The following CCDC167 variants were observed in gnomAD, a reference collection of about 807,000 sequenced individuals.
The protein encoded by CCDC167 is coiled-coil domain containing 167, also known as coiled-coil domain-containing protein 167.
Under a neutral mutation model 12.7 loss-of-function variants are expected in CCDC167, and 15 were observed. That is an observed-to-expected ratio of 1.18 (90% CI 0.79 to 1.81). The LOEUF is 1.81. Among genes scored for constraint, CCDC167 ranks in the 40% most tolerant of loss-of-function variants. The pLI is 0.00. For missense variants in CCDC167, 121 were observed against 120.1 expected, an observed-to-expected ratio of 1.01 and a Z score of -0.03; for synonymous variants, 52 against 49.0, an observed-to-expected ratio of 1.06 and a Z score of -0.26.
chr6:37,493,263 C>G (rs905167683), intron 1 of CCDC167, among the ~76,000 whole-genome samples: 6 of 152,206 alleles, frequency 3.9e-5, no homozygotes, highest in African/African-American at 7.2e-5. Flanking sequence ...AGTCCGCGCC[C>G]GAAGATGCCA....
At chr6:37,497,838 G>A (rs757164765) in intron 1 of CCDC167, among the ~76,000 whole-genome samples, 1 of 152,244 alleles carries the variant, frequency 6.6e-6, no homozygotes, top group East Asian at 1.9e-4. Context: ...GCCTGGGCGA[G>A]AGTGAGATTC....
chr6:37,498,668 T>C (rs1762127601), intron 1 of CCDC167, among the ~76,000 whole-genome samples: 1 of 151,782 alleles, frequency 6.6e-6, no homozygotes, highest in Admixed American at 6.6e-5. Context: ...TCTACAAAAA[T>C]ACAAAAATTA....
intron 1 of CCDC167, among the ~76,000 whole-genome samples, chr6:37,492,543 A>G (rs1028115818): frequency 1.3e-5 from 2 of 152,216 alleles, no homozygotes; most frequent in Non-Finnish European, 2.9e-5. Flanking sequence ...GCATCCTCCA[A>G]AATTCACACA....
At chr6:37,489,453 G>A (rs1341313871) in intron 1 of CCDC167, among the ~76,000 whole-genome samples, 1 of 152,180 alleles carries the variant, frequency 6.6e-6, no homozygotes, top group African/African-American at 2.4e-5. Flanking sequence ...GACATGGCAT[G>A]GTGGGAACCT....
At chr6:37,486,529 T>C (rs1042693080) in intron 1 of CCDC167, among the ~76,000 whole-genome samples, 1 of 152,170 alleles carries the variant, frequency 6.6e-6, no homozygotes, top group Non-Finnish European at 1.5e-5. Context: ...CACTTTTCCT[T>C]CTTCCCGAGG....
At chr6:37,498,689 G>C (rs563542398) in intron 1 of CCDC167, among the ~76,000 whole-genome samples, 2 of 152,234 alleles carry the variant, frequency 1.3e-5, no homozygotes, top group Non-Finnish European at 2.9e-5. Flanking sequence ...GCCAGGCATG[G>C]TGGCACGTGC....
intron 1 of CCDC167, among the ~76,000 whole-genome samples, chr6:37,486,569 C>A (rs996762194): frequency 9.2e-5 from 14 of 152,226 alleles, no homozygotes; most frequent in African/African-American, 3.4e-4. Flanking sequence ...CCATCCACCC[C>A]CTGCCCTGCA....
chr6:37,484,266 C>T (rs1032032109), intron 3 of CCDC167, among the ~76,000 whole-genome samples: 1 of 152,200 alleles, frequency 6.6e-6, no homozygotes, highest in African/African-American at 2.4e-5. Flanking sequence ...ACCTATAGAC[C>T]GTGGTCCTCC....
rs759132760 is a variant in CCDC167 at position 37,484,877 on chromosome 6, G to A, written c.138-15C>T. On this transcript the variant is annotated splice_polypyrimidine_tract_variant and intron_variant, in intron 2 of 3. Transcript: ENST00000373408. ...CCAGGGACCTCCTGTGAGGGGAAAG[G>A]AGCTTCATGGACCAAACCCTTTTCC... is the stretch of plus-strand genomic sequence containing the variant. 3.1e-6 allele frequency: 5 copies of A among 1,614,228 alleles called. No homozygotes were observed. The highest frequency in any genetic ancestry group is 4.2e-6 in the Non-Finnish European group (5 of 1,180,026).
chr6:37,494,045 A>G (rs1762065051), intron 1 of CCDC167, among the ~76,000 whole-genome samples: 1 of 144,630 alleles, frequency 6.9e-6, no homozygotes, highest in Non-Finnish European at 1.5e-5. Context: ...TCTCATGGTC[A>G]GTGATCCTGC....
intron 1 of CCDC167, among the ~76,000 whole-genome samples, chr6:37,497,461 C>T (rs2113911120): frequency 6.7e-6 from 1 of 148,694 alleles, no homozygotes; most frequent in Non-Finnish European, 1.5e-5. Flanking sequence ...ATCTAAAAAA[C>T]CTGTTTTCTT....
intron 1 of CCDC167, among the ~76,000 whole-genome samples, chr6:37,487,372 G>T (rs1020963836): frequency 2.0e-5 from 3 of 152,324 alleles, no homozygotes; most frequent in South Asian, 4.1e-4. Context: ...AGCTTGGGTG[G>T]GACTGAGGGG....
chr6:37,490,705 G>T (rs1296063741), intron 1 of CCDC167, among the ~76,000 whole-genome samples: 1 of 152,178 alleles, frequency 6.6e-6, no homozygotes, highest in East Asian at 1.9e-4. Flanking sequence ...AGGCTGCAGA[G>T]GCTGTGTTGT....
At chr6:37,492,599 T>C (rs1762037121) in intron 1 of CCDC167, among the ~76,000 whole-genome samples, 2 of 152,356 alleles carry the variant, frequency 1.3e-5, no homozygotes, top group South Asian at 4.1e-4. Context: ...TACTTGGGCC[T>C]GATAAACCCT....
chr6:37,484,896 C>G (rs1383475625), intron 2 of CCDC167, 34 bp from the exon 3 acceptor site: 3 of 1,613,730 alleles, frequency 1.9e-6, no homozygotes, highest in East Asian at 4.5e-5. Flanking sequence ...GGACCAAACC[C>G]TTTTCCTTTT....
chr6:37,499,350 G>A (rs1202042334), intron 1 of CCDC167, among the ~76,000 whole-genome samples: 2 of 152,118 alleles, frequency 1.3e-5, no homozygotes, highest in Non-Finnish European at 2.9e-5. Flanking sequence ...TACTCCGGAG[G>A]AAAAATTTCC....
intron 1 of CCDC167, among the ~76,000 whole-genome samples, chr6:37,496,579 C>G (rs1003490409): frequency 6.6e-6 from 1 of 152,124 alleles, no homozygotes; most frequent in South Asian, 2.1e-4. Context: ...AACGAATGCC[C>G]AAGAACGAGT....
Position 37,493,481 on chromosome 6 carries a change from A to G in CCDC167, c.42+6341T>C, listed in dbSNP as rs1194015722. ...ACACACGCCGCCATCCAGCCGCGCT[A>G]GGTAATGAGGTTTTAGTCTCCTGAC... On this transcript the variant is annotated intron_variant, in intron 1 of 3. Transcript: ENST00000373408. Among the ~76,000 whole-genome samples, 3 of 152,374 alleles carry G rather than the reference A, an allele frequency of 2.0e-5. No homozygotes were observed. The East Asian group carries it at 5.8e-4, about 29-fold the overall frequency.
chr6:37,484,356 C>A (rs1157108863), intron 3 of CCDC167, among the ~76,000 whole-genome samples: 2 of 152,236 alleles, frequency 1.3e-5, no homozygotes, highest in Admixed American at 6.5e-5. Context: ...CTGCCTCTGC[C>A]CCCAGCGCCC....
Sources: gnomAD v4.1 joint callset for allele counts (sites outside exome capture counted in the v4.1 genomes callset) on GRCh38, gnomAD v4.1.1 for gene constraint, MANE v1.5 for transcripts, NCBI Gene and HGNC (gene_info 2026-07-23, HGNC 2026-07-21) for gene names.